Variants in PLCB4 observed in about 807,000 individuals in gnomAD.
PLCB4 encodes the protein phospholipase C beta 4.
PLCB4 carries 77 observed loss-of-function variants against 178.8 expected under a neutral mutation model. The ratio of observed to expected loss-of-function variants is 0.43; its 90% CI spans 0.36 to 0.52. The LOEUF (loss-of-function observed/expected upper bound fraction) is 0.52, where lower values mean the gene tolerates loss of function less well. Among genes scored for constraint, PLCB4 ranks in the 20% least tolerant of loss-of-function variants. PLCB4 has a pLI of 0.00. For synonymous variants in PLCB4, 496 were observed against 490.8 expected (o/e 1.01, Z -0.14); for missense variants, 1,024 against 1,453.4 (o/e 0.70, Z 4.80).
intron 27 of PLCB4, among the ~76,000 whole-genome samples, chr20:9,422,206 C>T (rs1389999504): frequency 1.3e-5 from 2 of 152,194 alleles, no homozygotes; most frequent in Non-Finnish European, 2.9e-5. Flanking sequence ...GCTGGTTCTG[C>T]TCCATTTGTA....
At chr20:9,446,343 A>G (rs1333432789) in intron 32 of PLCB4, among the ~76,000 whole-genome samples, 1 of 152,174 alleles carries the variant, frequency 6.6e-6, no homozygotes, top group African/African-American at 2.4e-5. Flanking sequence ...ATTGGGTCAA[A>G]TGCAGTGACA....
At chr20:9,416,012 T>C (rs1345693604) in intron 25 of PLCB4, among the ~76,000 whole-genome samples, 2 of 152,172 alleles carry the variant, frequency 1.3e-5, no homozygotes, top group African/African-American at 4.8e-5. Context: ...TTGCTAAGTG[T>C]CCTATCCCAG....
chr20:9,152,894 C>G (rs2092715195), intron 2 of PLCB4, among the ~76,000 whole-genome samples: 1 of 152,108 alleles, frequency 6.6e-6, no homozygotes, highest in African/African-American at 2.4e-5. Context: ...GTGGAGCTGC[C>G]CAAGACCATG....
chr20:9,357,486 A>G (rs188583546), intron 7 of PLCB4, among the ~76,000 whole-genome samples: 27 of 152,306 alleles, frequency 1.8e-4, no homozygotes, highest in African/African-American at 6.5e-4. Context: ...TCTCAGAAAC[A>G]GCAGCTCCCT....
chr20:9,413,533 C>T (rs1169059048), intron 25 of PLCB4, among the ~76,000 whole-genome samples: 1 of 151,878 alleles, frequency 6.6e-6, no homozygotes, highest in Non-Finnish European at 1.5e-5. Flanking sequence ...GTGGCGGGCA[C>T]CTGTAGTCCC....
rs145414689 is a variant in PLCB4 at position 9,192,811 on chromosome 20, G to GA, written c.-78-24570dup. 5.3e-3 allele frequency among the ~76,000 whole-genome samples: 803 copies of GA among 150,280 alleles called. 10 individuals carry two copies. The highest frequency in any genetic ancestry group is 0.019 in the African/African-American group (762 of 41,050). On this transcript the variant is annotated intron_variant, in intron 2 of 39. Transcript: ENST00000378473. ...GCAGGACCCTATCTCAACAAAAAAAGAAAAAAAAATGTCAAGACAGTAATA... is the reference window on the plus strand; with the variant it reads ...GCAGGACCCTATCTCAACAAAAAAAGAAAAAAAAAATGTCAAGACAGTAATA...
At chr20:9,376,760 A>AC (rs1463602534) in intron 12 of PLCB4, among the ~76,000 whole-genome samples, 4 of 152,118 alleles carry the variant, frequency 2.6e-5, no homozygotes. Flanking sequence ...GTCCTGCAGA[A>AC]TTGGGAGATG....
At chr20:9,355,293 G>A (rs1048448976) in intron 7 of PLCB4, among the ~76,000 whole-genome samples, 2 of 151,012 alleles carry the variant, frequency 1.3e-5, no homozygotes, top group South Asian at 4.2e-4. Context: ...TTTATATTTT[G>A]TATTATTATT....
chr20:9,390,293 A>G (rs2038035566), intron 16 of PLCB4, among the ~76,000 whole-genome samples: 1 of 152,224 alleles, frequency 6.6e-6, no homozygotes, highest in African/African-American at 2.4e-5. Context: ...ATCAGATTTG[A>G]TGAACTTGAA....
intron 1 of PLCB4, among the ~76,000 whole-genome samples, chr20:9,078,057 C>T (rs562932430): frequency 1.3e-5 from 2 of 152,266 alleles, no homozygotes; most frequent in South Asian, 4.1e-4. Flanking sequence ...TTATGGCTCA[C>T]TGCAGCCTCA....
At position 9,419,885 on chromosome 20, in the gene PLCB4, T is replaced by C; in HGVS notation, c.2130T>C (p.Val710=). 6.2e-7 allele frequency: 1 copy of C among 1,613,346 alleles called. No homozygotes were observed. Among genetic ancestry groups the C allele is most frequent in the Non-Finnish European group, 8.5e-7 (1 of 1,179,256 alleles). The change falls in exon 26 of 40, where the codon GTT becomes GTC. Residue 710 remains valine (V), a synonymous_variant. Coordinates refer to ENST00000378473, the MANE Select transcript of PLCB4 (RefSeq NM_001377142.1). The part of the protein sequence containing the change: ...DPFSETPVDG[V]IAATCSVQVI... ...TCTCTGAAACTCCTGTTGATGGTGT[T>C]ATTGCAGCCACTTGCTCAGTGCAGG...
intron 26 of PLCB4, among the ~76,000 whole-genome samples, chr20:9,420,450 G>T (rs1018457852): frequency 3.1e-4 from 47 of 151,868 alleles, no homozygotes; most frequent in African/African-American, 2.9e-4. Context: ...TGATTCTCCT[G>T]CACCTGTAGC....
intron 3 of PLCB4, among the ~76,000 whole-genome samples, chr20:9,301,233 T>C (rs62194814): frequency 0.02 from 2,979 of 151,980 alleles, 33 homozygotes; most frequent in Non-Finnish European, 0.033. Flanking sequence ...AAGGTAACAT[T>C]CGCGAGTTGC....
chr20:9,182,329 C>T (rs916420654), intron 2 of PLCB4, among the ~76,000 whole-genome samples: 1 of 152,110 alleles, frequency 6.6e-6, no homozygotes, highest in Non-Finnish European at 1.5e-5. Context: ...GGGGCTCTCA[C>T]AGTTAAAAGA....
chr20:9,112,059 G>T (rs1306228486), intron 2 of PLCB4, among the ~76,000 whole-genome samples: 1 of 151,970 alleles, frequency 6.6e-6, no homozygotes, highest in Non-Finnish European at 1.5e-5. Context: ...CTTTATTTTG[G>T]ATAGTCCCTT....
intron 2 of PLCB4, among the ~76,000 whole-genome samples, chr20:9,213,370 C>G (rs976132459): frequency 1.4e-5 from 2 of 141,038 alleles, no homozygotes; most frequent in Non-Finnish European, 2.9e-5. Flanking sequence ...GTCTTGAACT[C>G]CTGACCTTAG....
chr20:9,366,215 C>T (rs963695444), intron 9 of PLCB4, among the ~76,000 whole-genome samples: 15 of 151,758 alleles, frequency 9.9e-5, no homozygotes, highest in Admixed American at 3.3e-4. Flanking sequence ...AGTGAAACTC[C>T]GTCTCTACTA....
Position 9,480,155 on chromosome 20 carries a change from T to C in PLCB4, c.*1146T>C, listed in dbSNP as rs1431022745. On this transcript the variant is annotated 3_prime_UTR_variant, in exon 40 of 40. Transcript: ENST00000378473. Reference sequence around the variant, plus strand: ...CATATCAGGAAATGACCTTTTTATGTCTGTTAAATATCAAAACAATTTGCT... The same window carrying C: ...CATATCAGGAAATGACCTTTTTATGCCTGTTAAATATCAAAACAATTTGCT... 6.6e-6 allele frequency: 1 copy of C among 152,644 alleles called. No individual in the cohort carries two copies. Among genetic ancestry groups the C allele is most frequent in the Non-Finnish European group, 1.5e-5 (1 of 68,040 alleles). The allele number at this position is 152,644 out of a possible 1,614,324, so 9.5% of individuals were successfully genotyped here. A position where few individuals can be genotyped will look rare whatever the true frequency, so the allele number is the denominator to read the frequency against.
intron 4 of PLCB4, among the ~76,000 whole-genome samples, chr20:9,331,514 C>T (rs1285694014): frequency 1.3e-5 from 2 of 152,162 alleles, no homozygotes; most frequent in Non-Finnish European, 2.9e-5. Flanking sequence ...ATAAAATCAG[C>T]TACCACTTAG....
Sources: gnomAD v4.1 joint callset for allele counts (sites outside exome capture counted in the v4.1 genomes callset) on GRCh38, gnomAD v4.1.1 for gene constraint, MANE v1.5 for transcripts, NCBI Gene and HGNC (gene_info 2026-07-23, HGNC 2026-07-21) for gene names.